ANO1: variants seen among roughly 807,000 people sequenced by gnomAD.
ANO1 encodes the protein anoctamin 1.
In ANO1, 59 loss-of-function variants were observed where a neutral mutation model predicts 124.0. The ratio of observed to expected loss-of-function variants is 0.48; its 90% confidence interval spans 0.39 to 0.59. ANO1 has a LOEUF of 0.59. Among genes scored for constraint, ANO1 ranks in the 20% least tolerant of loss-of-function variants. The pLI, the probability that ANO1 is intolerant of heterozygous loss-of-function variation, is 0.00. For synonymous variants in ANO1, 529 were observed against 532.0 expected (o/e 0.99, Z 0.08); for missense variants, 1,059 against 1,328.0 (o/e 0.80, Z 3.15).
At chr11:69,976,237 A>T in the ANO1 span, among the ~76,000 whole-genome samples, 1 of 152,018 alleles carries the variant, frequency 6.6e-6, no homozygotes, top group African/African-American at 2.4e-5. Flanking sequence ...GCCCCTTCTA[A>T]GAAGGCTCAC....
chr11:70,154,460 C>CTTTTTTTT (rs35077245), intron 14 of ANO1, among the ~76,000 whole-genome samples: 1 of 84,256 alleles, frequency 1.2e-5, no homozygotes, highest in African/African-American at 4.5e-5. Context: ...GGAAGTATGT[C>CTTTTTTTT]TTTTTTTTTT....
rs552006407 is a variant in ANO1 at position 70,029,287 on chromosome 11, A to G, written c.58+43121A>G. On this transcript the variant is annotated intron_variant, in intron 1 of 27. Coordinates refer to the ANO1 transcript ENST00000531349. ...GGGGCACCCTCTTCCCTCTGCACAC[A>G]GGCCTGCTCTGCGCAAAGATGAGGC... 2.6e-5 allele frequency among the ~76,000 whole-genome samples: 4 copies of G among 152,258 alleles called. No homozygotes were observed. The South Asian group carries it at 8.3e-4, about 32-fold the overall frequency.
At chr11:70,047,653 A>T (rs1555005831) in intron 1 of ANO1, among the ~76,000 whole-genome samples, 1 of 152,222 alleles carries the variant, frequency 6.6e-6, no homozygotes, top group Non-Finnish European at 1.5e-5. Flanking sequence ...AATCATAATG[A>T]TTCTTTTTGC....
At chr11:70,115,744 T>C (rs1386799274) in intron 7 of ANO1, among the ~76,000 whole-genome samples, 2 of 152,178 alleles carry the variant, frequency 1.3e-5, no homozygotes, top group African/African-American at 4.8e-5. Flanking sequence ...CTGTAGTTAT[T>C]TGGGGCTCAC....
At chr11:70,054,326 A>G (rs1282702701) in intron 1 of ANO1, among the ~76,000 whole-genome samples, 2 of 152,212 alleles carry the variant, frequency 1.3e-5, no homozygotes. Flanking sequence ...AAGGCAAGCC[A>G]TGGGAACATG....
Position 70,112,328 on chromosome 11 carries a change from A to G in ANO1, c.855+566A>G, listed in dbSNP as rs572862383. Among the ~76,000 whole-genome samples, 13 of 152,342 alleles carry G rather than the reference A, an allele frequency of 8.5e-5. No homozygotes were observed. In the East Asian group the frequency reaches 2.5e-3, roughly 29 times the overall value. On this transcript the variant is annotated intron_variant, in intron 7 of 25. Transcript: ENST00000355303. ...GCCTCCGGGCCTGAGCAGTGTGGGA[A>G]TCCCAGACAGAGGAGCTCTGAAACT...
chr11:70,013,392 A>T (rs4980734), intron 1 of ANO1, among the ~76,000 whole-genome samples: 74,123 of 151,438 alleles, frequency 0.49, 19,241 homozygotes, highest in East Asian at 0.88. Context: ...CCTTTTTTTT[A>T]AAAAAGGAGG....
chr11:70,111,191 G>T lies in ANO1; in HGVS notation c.800-516G>T, dbSNP rs1232489326. ...TAAAAGGCGGAAATGTGGGAAGTATGGTAAGTGTGGGCCTCCTCCGGCTTT... is the reference window on the plus strand; with the variant it reads ...TAAAAGGCGGAAATGTGGGAAGTATTGTAAGTGTGGGCCTCCTCCGGCTTT... On this transcript the variant is annotated intron_variant, in intron 6 of 25. Transcript: ENST00000355303. 1.5e-5 allele frequency: 7 copies of T among 457,868 alleles called. No homozygotes were observed. The Admixed American group carries it at 1.6e-4, about 11-fold the overall frequency. The allele number at this position is 457,868 out of a possible 1,614,324, so 28.4% of individuals were successfully genotyped here. A position where few individuals can be genotyped will look rare whatever the true frequency, so the allele number is the denominator to read the frequency against.
chr11:70,037,905 G>C (rs1000833730), intron 1 of ANO1, among the ~76,000 whole-genome samples: 1 of 152,126 alleles, frequency 6.6e-6, no homozygotes, highest in Admixed American at 6.5e-5. Context: ...CTTATTCCAT[G>C]GCAGGGTCTT....
At chr11:70,112,514 G>A (rs931075982) in intron 7 of ANO1, among the ~76,000 whole-genome samples, 2 of 151,638 alleles carry the variant, frequency 1.3e-5, no homozygotes, top group African/African-American at 4.8e-5. Flanking sequence ...CCATCTGTGG[G>A]TCAGGAATCA....
chr11:69,975,368 G>A, the ANO1 span, among the ~76,000 whole-genome samples: 1 of 152,164 alleles, frequency 6.6e-6, no homozygotes, highest in African/African-American at 2.4e-5. Flanking sequence ...TGCCTACTAC[G>A]CCCTCCCTGT....
chr11:70,018,223 G>A (rs1036509700), intron 1 of ANO1: 1 of 152,226 alleles, frequency 6.6e-6, no homozygotes, highest in Non-Finnish European at 1.5e-5. Flanking sequence ...TGTGCATGGG[G>A]GCACACACCT....
In ANO1 at chr11:70,189,256, A is replaced by T. The variant is rs890286574; in HGVS notation, c.*1252A>T. 6.6e-6 allele frequency: 1 copy of T among 152,628 alleles called. No individual in the cohort carries two copies. The highest frequency in any genetic ancestry group is 1.5e-5 in the Non-Finnish European group (1 of 68,038). The allele number at this position is 152,628 out of a possible 1,614,324, so 9.5% of individuals were successfully genotyped here. ...TAAATTTGTCTTGAAGATCTCATTG[A>T]TGTGATGTTACATTCCCTTTAATCT... On this transcript the variant is annotated 3_prime_UTR_variant, in exon 26 of 26. Transcript: ENST00000355303.
intron 2 of ANO1, among the ~76,000 whole-genome samples, chr11:70,099,001 C>G (rs768001594): frequency 1.3e-5 from 2 of 152,200 alleles, no homozygotes; most frequent in African/African-American, 4.8e-5. Context: ...CTAAGGTCAG[C>G]ATCTTCTGCC....
At chr11:69,966,694 G>C in the ANO1 span, among the ~76,000 whole-genome samples, 2 of 152,200 alleles carry the variant, frequency 1.3e-5, no homozygotes, top group African/African-American at 2.4e-5. Context: ...GACAAGGAGA[G>C]CATCACTTGC....
intron 1 of ANO1, among the ~76,000 whole-genome samples, chr11:70,002,045 C>G (rs1478414470): frequency 6.6e-6 from 1 of 152,036 alleles, no homozygotes; most frequent in Non-Finnish European, 1.5e-5. Context: ...AACGGTGGTC[C>G]CAAACCGTCC....
Position 70,078,638 on chromosome 11 carries a change from C to T in ANO1, c.32C>T (p.Pro11Leu), listed in dbSNP as rs1433662526. The part of the protein sequence containing the change: MRVNEKYSTL[P>L]AEDRSVHIIN... ...GTCAACGAGAAGTACTCGACGCTCC[C>T]GGCCGAGGACCGCAGCGTCCACATC... Residue 11 changes from proline (P) to leucine (L), a missense_variant, in exon 1 of 26, where the codon CCG (proline) becomes CTG (leucine). Coordinates refer to ENST00000355303, the MANE Select transcript of ANO1 (RefSeq NM_018043.7). The T allele has an allele frequency of 1.3e-6, 2 of 1,499,970 alleles. No individual in the cohort carries two copies. Among genetic ancestry groups the T allele is most frequent in the Non-Finnish European group, 1.8e-6 (2 of 1,114,882 alleles). The allele number at this position is 1,499,970 out of a possible 1,614,324, so 92.9% of individuals were successfully genotyped here. A position where few individuals can be genotyped will look rare whatever the true frequency, so the allele number is the denominator to read the frequency against.
intron 19 of ANO1, among the ~76,000 whole-genome samples, chr11:70,165,107 T>G (rs1400075443): frequency 6.6e-6 from 1 of 152,164 alleles, no homozygotes; most frequent in Non-Finnish European, 1.5e-5. Context: ...GCCTTGCCTC[T>G]CCCAGCTTCT....
intron 20 of ANO1, among the ~76,000 whole-genome samples, chr11:70,166,433 G>C (rs993478999): frequency 1.3e-5 from 2 of 152,216 alleles, no homozygotes; most frequent in African/African-American, 4.8e-5. Context: ...AGGATGGGGG[G>C]GTACCACCAG....
Sources: allele counts gnomAD v4.1 joint callset (sites outside exome capture counted in the v4.1 genomes callset), GRCh38; gene constraint gnomAD v4.1.1; transcripts MANE v1.5; gene names NCBI Gene and HGNC (gene_info 2026-07-23, HGNC 2026-07-21).